The following NRG1 variants were observed in gnomAD, a reference collection of about 807,000 sequenced individuals.
NRG1 encodes neuregulin 1.
In NRG1, 18 loss-of-function variants were observed where a neutral mutation model predicts 63.8. The observed-to-expected ratio is 0.28, with a 90% CI of 0.19 to 0.42. The LOEUF is 0.42. NRG1 is among the 10% of genes least tolerant of loss of function. The pLI, the probability that NRG1 is intolerant of heterozygous loss-of-function variation, is 1.00. For synonymous variants in NRG1, 302 were observed against 301.3 expected (o/e 1.00, Z -0.02); for missense variants, 762 against 814.7 (o/e 0.94, Z 0.79).
chr8:31,781,863 C>T (rs1041455090), intron 1 of NRG1, among the ~76,000 whole-genome samples: 5 of 151,896 alleles, frequency 3.3e-5, no homozygotes, highest in Non-Finnish European at 5.9e-5. Flanking sequence ...GAATACTAAA[C>T]TGCTTTCTGA....
chr8:31,913,155 C>T (rs939398441), intron 1 of NRG1, among the ~76,000 whole-genome samples: 4 of 152,078 alleles, frequency 2.6e-5, no homozygotes, highest in African/African-American at 9.7e-5. Context: ...GGAATAGGTC[C>T]ATTATTTCAA....
intron 1 of NRG1, among the ~76,000 whole-genome samples, chr8:31,696,155 C>A (rs1585730665): frequency 6.6e-6 from 1 of 152,300 alleles, no homozygotes; most frequent in South Asian, 2.1e-4. Context: ...GCAACCTCCG[C>A]CTCACTGGTT....
At chr8:32,455,016 T>C (rs1821430325) in intron 1 of NRG1, among the ~76,000 whole-genome samples, 1 of 152,230 alleles carries the variant, frequency 6.6e-6, no homozygotes, top group Non-Finnish European at 1.5e-5. Context: ...GTTTGTAGCC[T>C]AGGAACGATA....
At chr8:31,938,030 G>C (rs1373407650) in intron 1 of NRG1, among the ~76,000 whole-genome samples, 1 of 152,112 alleles carries the variant, frequency 6.6e-6, no homozygotes. Flanking sequence ...TGTCCCTAGG[G>C]CAAGTTTGCA....
At chr8:32,141,462 C>T (rs1451112400) in intron 1 of NRG1, among the ~76,000 whole-genome samples, 1 of 151,074 alleles carries the variant, frequency 6.6e-6, no homozygotes, top group Non-Finnish European at 1.5e-5. Context: ...GCCAGGGAAA[C>T]ATTTTGCATC....
intron 5 of NRG1, among the ~76,000 whole-genome samples, chr8:32,657,203 G>A (rs1021734130): frequency 4.0e-5 from 6 of 151,510 alleles, no homozygotes; most frequent in Non-Finnish European, 1.5e-5. Context: ...GCAAGCAGAA[G>A]ACCCTATATC....
intron 6 of NRG1, among the ~76,000 whole-genome samples, chr8:32,736,179 C>G (rs149278995): frequency 4.6e-5 from 7 of 152,128 alleles, no homozygotes; most frequent in Non-Finnish European, 8.8e-5. Context: ...CTAGAAAGAA[C>G]GCTAAAACAC....
intron 1 of NRG1, among the ~76,000 whole-genome samples, chr8:31,951,383 C>A (rs567262587): frequency 3.3e-5 from 5 of 152,254 alleles, no homozygotes; most frequent in Non-Finnish European, 7.4e-5. Context: ...GCTCCAGCCC[C>A]GTGAGTTGGA....
rs1177341967 is a variant in NRG1, at chr8:32,092,490, A to G, written c.37+453059A>G. On this transcript the variant is annotated intron_variant, in intron 1 of 10. Transcript: ENST00000519301. ...AAAAAAAAAAAAAAAGAAAAAGAAAAAAAATAGAAATAGTATATGTTGATA... is the reference window on the plus strand; with the variant it reads ...AAAAAAAAAAAAAAAGAAAAAGAAAGAAAATAGAAATAGTATATGTTGATA... 2.0e-5 allele frequency among the ~76,000 whole-genome samples: 3 copies of G among 151,766 alleles called. No homozygotes were observed. The East Asian group carries it at 5.8e-4, about 29-fold the overall frequency.
At chr8:32,664,278 G>GA (rs1308942226) in intron 5 of NRG1, among the ~76,000 whole-genome samples, 1 of 150,070 alleles carries the variant, frequency 6.7e-6, no homozygotes, top group Non-Finnish European at 1.5e-5. Flanking sequence ...GATGTATGAA[G>GA]AAAAAATCCT....
intron 1 of NRG1, among the ~76,000 whole-genome samples, chr8:32,389,836 C>T (rs990282567): frequency 1.1e-4 from 16 of 151,696 alleles, no homozygotes; most frequent in African/African-American, 3.9e-4. Context: ...TCTCAGCTCA[C>T]TGCAACCTCT....
At chr8:31,857,204 C>A (rs1322848051) in intron 1 of NRG1, among the ~76,000 whole-genome samples, 1 of 152,206 alleles carries the variant, frequency 6.6e-6, no homozygotes, top group Non-Finnish European at 1.5e-5. Context: ...GGGCGCCCCT[C>A]CCCCAGCCTG....
chr8:31,775,159 T>C (rs1310448435), intron 1 of NRG1, among the ~76,000 whole-genome samples: 1 of 152,220 alleles, frequency 6.6e-6, no homozygotes, highest in African/African-American at 2.4e-5. Flanking sequence ...TTTATCACAG[T>C]ACTATTCACA....
intron 1 of NRG1, among the ~76,000 whole-genome samples, chr8:31,980,558 A>G (rs554319217): frequency 6.6e-6 from 1 of 152,232 alleles, no homozygotes; most frequent in African/African-American, 2.4e-5. Flanking sequence ...CAACCAAAGT[A>G]AAGTGTGGAA....
intron 1 of NRG1, among the ~76,000 whole-genome samples, chr8:31,655,606 C>G (rs1449497214): frequency 6.6e-6 from 1 of 152,132 alleles, no homozygotes. Context: ...CAGATTTTAT[C>G]TTAAAAACAG....
chr8:31,670,755 C>T (rs1451725405), intron 1 of NRG1, among the ~76,000 whole-genome samples: 1 of 151,964 alleles, frequency 6.6e-6, no homozygotes, highest in Non-Finnish European at 1.5e-5. Flanking sequence ...CCAAGAGAAC[C>T]AGGGCCTTAT....
At chr8:32,102,011 T>G (rs1353725741) in intron 1 of NRG1, among the ~76,000 whole-genome samples, 1 of 152,184 alleles carries the variant, frequency 6.6e-6, no homozygotes, top group Non-Finnish European at 1.5e-5. Context: ...CTTGAGCAGT[T>G]TAGCAGGCTT....
chr8:31,871,485 C>A (rs901738539), intron 1 of NRG1, among the ~76,000 whole-genome samples: 1 of 152,088 alleles, frequency 6.6e-6, no homozygotes, highest in Admixed American at 6.5e-5. Context: ...TTAAACTTTT[C>A]TCGGTGTTCT....
At chr8:32,327,727 A>T (rs1331513493) in intron 1 of NRG1, among the ~76,000 whole-genome samples, 1 of 152,242 alleles carries the variant, frequency 6.6e-6, no homozygotes, top group Non-Finnish European at 1.5e-5. Context: ...CAGACTTTAG[A>T]TCACCATATT....
Sources: gnomAD v4.1 joint callset for allele counts (sites outside exome capture counted in the v4.1 genomes callset) on GRCh38, gnomAD v4.1.1 for gene constraint, MANE v1.5 for transcripts, NCBI Gene and HGNC (gene_info 2026-07-23, HGNC 2026-07-21) for gene names.